MYOM2: variants seen among roughly 807,000 people sequenced by gnomAD.
The protein encoded by MYOM2 is myomesin 2.
Under a neutral mutation model 187.6 loss-of-function variants are expected in MYOM2, and 254 were observed. The ratio of observed to expected loss-of-function variants is 1.35; its 90% CI spans 1.22 to 1.50. MYOM2 has a LOEUF of 1.50. Ranked by LOEUF, MYOM2 falls within the 40% of genes most tolerant of loss-of-function variation. The probability of loss-of-function intolerance (pLI) is 0.00; values close to 1 mark genes in which losing one functional copy is unlikely to be tolerated. For missense variants in MYOM2, 2,796 were observed against 1,924.0 expected (o/e 1.45, Z -8.48); for synonymous variants, 981 against 753.8 (o/e 1.30, Z -4.94).
intron 5 of MYOM2, among the ~76,000 whole-genome samples, chr8:2,058,870 T>C (rs887368487): frequency 3.9e-5 from 6 of 152,226 alleles, no homozygotes; most frequent in Non-Finnish European, 1.5e-5. Context: ...GTGTTTCTTA[T>C]GGAATGACAA....
intron 6 of MYOM2, 131 bp downstream of exon 6, chr8:2,059,376 GC>G (rs2129330098): frequency 1.5e-6 from 1 of 679,570 alleles, no homozygotes; most frequent in East Asian, 2.7e-5. Context: ...ACTTTAAATA[GC>G]ATTTATGAGT....
intron 13 of MYOM2, among the ~76,000 whole-genome samples, chr8:2,082,769 C>T (rs1004065040): frequency 3.3e-5 from 5 of 152,224 alleles, no homozygotes; most frequent in African/African-American, 1.2e-4. Context: ...GCTGTGCTTT[C>T]CTGGGCCGGG....
chr8:2,085,154 A>G, intron 13 of MYOM2, 109 bp from the exon 14 acceptor site: 7 of 1,392,416 alleles, frequency 5.0e-6, no homozygotes, highest in East Asian at 2.3e-5. Context: ...CCAAATAGAA[A>G]CAAAACAAGT....
chr8:2,142,944 C>T (rs1368904913), intron 35 of MYOM2, among the ~76,000 whole-genome samples: 3 of 151,848 alleles, frequency 2.0e-5, no homozygotes, highest in Admixed American at 6.6e-5. Flanking sequence ...TTAGTAGAGA[C>T]AGGGTTTCAT....
At chr8:2,087,209 T>C (rs1796122916) in intron 14 of MYOM2, among the ~76,000 whole-genome samples, 1 of 152,234 alleles carries the variant, frequency 6.6e-6, no homozygotes, top group African/African-American at 2.4e-5. Context: ...CGATACAAAA[T>C]TTATATGTAA....
At chr8:2,120,552 C>T (rs563497787) in intron 28 of MYOM2, among the ~76,000 whole-genome samples, 2 of 148,910 alleles carry the variant, frequency 1.3e-5, no homozygotes, top group Non-Finnish European at 3.0e-5. Context: ...GTTGAACACA[C>T]CCTAGATAGG....
chr8:2,116,153 A>C lies in MYOM2; in HGVS notation c.3325+49A>C, dbSNP rs1220665909. The stretch of plus-strand genomic sequence containing the variant: ...CGTCCATACAAGATAATTCAAATGA[A>C]ATTCTTTTGACTGGAGAGAAGCAAA... On this transcript the variant is annotated intron_variant, in intron 26 of 36. Coordinates refer to ENST00000262113, the MANE Select transcript of MYOM2 (RefSeq NM_003970.4). The C allele has an allele frequency of 1.9e-6, 3 of 1,602,666 alleles. No individual in the cohort carries two copies. In the South Asian group the frequency reaches 3.4e-5, roughly 18 times the overall value.
At chr8:2,129,411 G>C (rs1187888758) in intron 32 of MYOM2, among the ~76,000 whole-genome samples, 179 bp downstream of exon 32, 1 of 152,190 alleles carries the variant, frequency 6.6e-6, no homozygotes, top group Admixed American at 6.5e-5. Context: ...CGGCAGTGGG[G>C]AGGACGTGGA....
Position 2,073,516 on chromosome 8 carries a change from T to A in MYOM2, c.1120+16T>A, listed in dbSNP as rs1819310677. 6.3e-7 allele frequency: 1 copy of A among 1,587,564 alleles called. No individual in the cohort carries two copies. Among genetic ancestry groups the A allele is most frequent in the Non-Finnish European group, 8.5e-7 (1 of 1,174,496 alleles). ...TTTGTCAGAGGTGCGGGCAGCAGGGTTCTCAGGGTGCAGACCTTGTGTGTG... is the reference window on the plus strand; with the variant it reads ...TTTGTCAGAGGTGCGGGCAGCAGGGATCTCAGGGTGCAGACCTTGTGTGTG... On this transcript the variant is annotated intron_variant, in intron 10 of 36. Transcript: ENST00000262113.
At chr8:2,091,275 C>T (rs1368402724) in intron 15 of MYOM2, among the ~76,000 whole-genome samples, 1 of 152,110 alleles carries the variant, frequency 6.6e-6, no homozygotes, top group Non-Finnish European at 1.5e-5. Context: ...AACTCCTGAA[C>T]TCAAGGGATC....
At chr8:2,116,193 A>G (rs1034371632) in intron 26 of MYOM2, 23 bp from the exon 27 acceptor site, 5 of 1,596,424 alleles carry the variant, frequency 3.1e-6, no homozygotes, top group Middle Eastern at 1.7e-4. Context: ...TTTCATATAT[A>G]TTTTTTTAAA....
chr8:2,091,783 A>C (rs1796311675), intron 15 of MYOM2, among the ~76,000 whole-genome samples: 1 of 152,314 alleles, frequency 6.6e-6, no homozygotes, highest in East Asian at 1.9e-4. Flanking sequence ...GACAGTGTCC[A>C]TCACTGAGAC....
chr8:2,073,511 C>T lies in MYOM2; in HGVS notation c.1120+11C>T. On this transcript the variant is annotated intron_variant, in intron 10 of 36. Transcript: ENST00000262113. The stretch of plus-strand genomic sequence containing the variant: ...TCCTGTTTGTCAGAGGTGCGGGCAG[C>T]AGGGTTCTCAGGGTGCAGACCTTGT... 6.3e-7 allele frequency: 1 copy of T among 1,587,548 alleles called. No homozygotes were observed. Among genetic ancestry groups the T allele is most frequent in the South Asian group, 1.1e-5 (1 of 89,852 alleles).
chr8:2,143,981 T>C (rs1383390793), intron 36 of MYOM2, among the ~76,000 whole-genome samples: 1 of 152,264 alleles, frequency 6.6e-6, no homozygotes, highest in Non-Finnish European at 1.5e-5. Context: ...GGGAGAATTA[T>C]TGATATCTAA....
At chr8:2,142,272 C>A (rs1798299439) in intron 34 of MYOM2, 103 bp from the exon 35 acceptor site, 1 of 1,153,814 alleles carries the variant, frequency 8.7e-7, no homozygotes, top group Admixed American at 1.7e-5. Flanking sequence ...TCTCCTTCTT[C>A]TTTTGCTTCA....
chr8:2,047,436 T>C (rs34183079), intron 1 of MYOM2, among the ~76,000 whole-genome samples: 36,814 of 151,840 alleles, frequency 0.24, 5,132 homozygotes, highest in Non-Finnish European at 0.32. Flanking sequence ...ATGTGATTGA[T>C]AAAAGTGGAG....
At chr8:2,052,368 G>T in intron 3 of MYOM2, 55 bp downstream of exon 3, 2 of 1,522,294 alleles carry the variant, frequency 1.3e-6, no homozygotes, top group Non-Finnish European at 1.8e-6. Flanking sequence ...TCACAGTGGA[G>T]GGACAGTGGG....
intron 20 of MYOM2, among the ~76,000 whole-genome samples, 194 bp from the exon 21 acceptor site, chr8:2,102,473 T>G (rs1345564474): frequency 6.8e-6 from 1 of 146,020 alleles, no homozygotes; most frequent in Non-Finnish European, 1.6e-5. Context: ...GCGAATGCGT[T>G]TATTCCTCCA....
chr8:2,063,678 C>A (rs532075354), intron 6 of MYOM2, among the ~76,000 whole-genome samples: 11 of 152,290 alleles, frequency 7.2e-5, no homozygotes, highest in Admixed American at 6.5e-4. Flanking sequence ...ATAAATCCAG[C>A]GTCATCACCA....
Sources: allele counts gnomAD v4.1 joint callset (sites outside exome capture counted in the v4.1 genomes callset), GRCh38; gene constraint gnomAD v4.1.1; transcripts MANE v1.5; gene names NCBI Gene and HGNC (gene_info 2026-07-23, HGNC 2026-07-21).